The following STAT3 variants were observed in gnomAD, a reference collection of about 807,000 sequenced individuals.
The protein encoded by STAT3 is signal transducer and activator of transcription 3, also known as DNA-binding protein APRF.
STAT3 carries 7 observed loss-of-function variants against 114.3 expected under a neutral mutation model. The ratio of observed to expected loss-of-function variants is 0.06; its 90% CI spans 0.03 to 0.11. The LOEUF is 0.11. Ranked by LOEUF, STAT3 falls within the 10% of genes least tolerant of loss-of-function variation. The pLI is 1.00. For missense variants in STAT3, 364 were observed against 960.9 expected (o/e 0.38, Z 8.21); for synonymous variants, 331 against 354.5 (o/e 0.93, Z 0.74).
At chr17:42,385,026 T>A (rs182027180) in intron 1 of STAT3, among the ~76,000 whole-genome samples, 1 of 152,214 alleles carries the variant, frequency 6.6e-6, no homozygotes, top group Non-Finnish European at 1.5e-5. Context: ...AAGTTCTACA[T>A]CTGTACTGTA....
intron 8 of STAT3, among the ~76,000 whole-genome samples, chr17:42,336,542 G>A (rs986420763): frequency 6.6e-6 from 1 of 151,996 alleles, no homozygotes; most frequent in Non-Finnish European, 1.5e-5. Flanking sequence ...AGGCTCCAGT[G>A]AGCCATGACT....
intron 4 of STAT3, among the ~76,000 whole-genome samples, chr17:42,344,071 C>T (rs1436822758): frequency 3.3e-5 from 5 of 152,156 alleles, no homozygotes; most frequent in African/African-American, 1.2e-4. Context: ...TAGTGTTTCA[C>T]CACTGTGCAT....
intron 1 of STAT3, among the ~76,000 whole-genome samples, chr17:42,381,138 C>G (rs934971172): frequency 6.6e-6 from 1 of 152,154 alleles, no homozygotes; most frequent in African/African-American, 2.4e-5. Flanking sequence ...CCCAATAGGT[C>G]TGACCTGATA....
In STAT3 at chr17:42,324,959, T is replaced by C; in HGVS notation, c.1464+4A>G. 6.2e-7 allele frequency: 1 copy of C among 1,614,202 alleles called. No homozygotes were observed. The highest frequency in any genetic ancestry group is 1.1e-5 in the South Asian group (1 of 91,088). On this transcript the variant is annotated splice_donor_region_variant and intron_variant, in intron 16 of 23. Coordinates refer to ENST00000264657, the MANE Select transcript of STAT3 (RefSeq NM_139276.3). The surrounding 1 kb of genome is among the most constrained non-coding windows in gnomAD (Gnocchi z 4.5). ...GGCACCAACTAAAAGGAGGGGGCAC[T>C]AACCTTGGGATTGTTGGTCAGCATG... is the stretch of plus-strand genomic sequence containing the variant.
At chr17:42,345,394 T>G in intron 4 of STAT3, 165 bp downstream of exon 4, 1 of 653,966 alleles carries the variant, frequency 1.5e-6, no homozygotes, top group East Asian at 2.8e-5. Flanking sequence ...TTTTGGGGGG[T>G]GGAACTTTCT....
chr17:42,384,132 A>ATTTTTTTTTTT (rs371933640), intron 1 of STAT3, among the ~76,000 whole-genome samples: 1 of 134,914 alleles, frequency 7.4e-6, no homozygotes, highest in Non-Finnish European at 1.6e-5. Context: ...TTATTTATTT[A>ATTTTTTTTTTT]TTTTTTTTTT....
At chr17:42,355,867 G>T (rs2083200061) in intron 1 of STAT3, among the ~76,000 whole-genome samples, 1 of 152,148 alleles carries the variant, frequency 6.6e-6, no homozygotes, top group South Asian at 2.1e-4. Context: ...TCACATCCAT[G>T]CACTAGTGGA....
intron 21 of STAT3, among the ~76,000 whole-genome samples, chr17:42,320,600 C>A (rs1183667433): frequency 6.6e-6 from 1 of 151,874 alleles, no homozygotes; most frequent in Non-Finnish European, 1.5e-5. Flanking sequence ...CATGGTGGCA[C>A]AAGCCCATAA....
At position 42,345,598 on chromosome 17, in the gene STAT3, T is replaced by C. The variant is rs750994809; in HGVS notation, c.333A>G (p.Glu111=). 10 of 1,608,718 alleles carry C rather than the reference T, an allele frequency of 6.2e-6. No homozygotes were observed. The highest frequency in any genetic ancestry group is 8.5e-6 in the Non-Finnish European group (10 of 1,177,036). Residue 111 remains glutamate (E), a synonymous_variant, in exon 4 of 24, where the codon GAA becomes GAG. Transcript: ENST00000264657. Reference sequence around the variant, plus strand: ...CTGCAGTCTGTAGAAGGCGTGATTCTTCCCACAGGCACCGGGCCACAATCC... The same window carrying C: ...CTGCAGTCTGTAGAAGGCGTGATTCCTCCCACAGGCACCGGGCCACAATCC... The part of the protein sequence containing the change: ...IARIVARCLW[E]ESRLLQTAAT...
intron 23 of STAT3, chr17:42,316,183 AAGGCTTAGT>A: frequency 1.4e-6 from 1 of 715,860 alleles, no homozygotes; most frequent in Non-Finnish European, 1.9e-6. Context: ...CTGGATTTTA[AAGGCTTAGT>A]ATGAAAAAAA....
chr17:42,351,260 A>G (rs1030904068), intron 1 of STAT3, among the ~76,000 whole-genome samples: 1 of 151,590 alleles, frequency 6.6e-6, no homozygotes, highest in African/African-American at 2.4e-5. Flanking sequence ...TTATTTATTT[A>G]TTTTTTGGAG....
chr17:42,358,186 A>C (rs1367061760), intron 1 of STAT3, among the ~76,000 whole-genome samples: 2 of 152,104 alleles, frequency 1.3e-5, no homozygotes, highest in Non-Finnish European at 2.9e-5. Flanking sequence ...GCCAAGGTGG[A>C]AGAGGGATTG....
chr17:42,351,034 G>A (rs929506453), intron 1 of STAT3, among the ~76,000 whole-genome samples: 1 of 151,364 alleles, frequency 6.6e-6, no homozygotes, highest in South Asian at 2.1e-4. Context: ...GGGAGGCTGA[G>A]GCAGAAGAAT....
rs578025024 is a variant in STAT3 at position 42,324,568 on chromosome 17, T to C, written c.1600+143A>G. On this transcript the variant is annotated intron_variant, in intron 17 of 23. Coordinates refer to ENST00000264657, the MANE Select transcript of STAT3 (RefSeq NM_139276.3). This position sits in a 1 kb window ranked among gnomAD's most constrained non-coding sequence, Gnocchi z 4.5. Reference sequence around the variant, plus strand: ...CTGCACCCCAACTCCCCAACTCCCCTGTTTCCTGGCACCAGCACAGCGCCT... The same window carrying C: ...CTGCACCCCAACTCCCCAACTCCCCCGTTTCCTGGCACCAGCACAGCGCCT... 1.6e-6 allele frequency: 2 copies of C among 1,238,060 alleles called. No individual in the cohort carries two copies. Among genetic ancestry groups the C allele is most frequent in the African/African-American group, 3.0e-5 (2 of 66,854 alleles). 76.7% of individuals were successfully genotyped at this position (1,238,060 alleles called of 1,614,324 possible).
chr17:42,370,689 G>A (rs922840393), intron 1 of STAT3, among the ~76,000 whole-genome samples: 6 of 149,366 alleles, frequency 4.0e-5, no homozygotes, highest in Non-Finnish European at 8.9e-5. Flanking sequence ...GTGCAGTGGC[G>A]CGATCTCAGC....
Position 42,337,766 on chromosome 17 carries a change from C to T in STAT3, c.642G>A (p.Arg214=). Residue 214 remains arginine, a synonymous_variant, in exon 7 of 24, where the codon CGG becomes CGA. Transcript: ENST00000264657. This position sits in a 1 kb window ranked among gnomAD's most constrained non-coding sequence, Gnocchi z 4.0. ...GTGGTCCGACCTATGCCCTTACTCT[C>T]CGCATCTGGTCCAGCGCAGTGAGCA... ...EQMLTALDQM[R]RSIVSELAGL... The T allele has an allele frequency of 1.9e-6, 3 of 1,614,250 alleles. No homozygotes were observed. The highest frequency in any genetic ancestry group is 2.5e-6 in the Non-Finnish European group (3 of 1,180,050).
chr17:42,333,823 T>C lies in STAT3; in HGVS notation c.957-58A>G. On this transcript the variant is annotated intron_variant, in intron 9 of 23. Coordinates refer to ENST00000264657, the MANE Select transcript of STAT3 (RefSeq NM_139276.3). This position sits in a 1 kb window ranked among gnomAD's most constrained non-coding sequence, Gnocchi z 5.2. ...GGCCATGACCAGAAGTCAGCCCGCC[T>C]CTCACTCTACCACGTGAGTCTTTAG... The C allele has an allele frequency of 6.2e-7, 1 of 1,614,088 alleles. No homozygotes were observed. Among genetic ancestry groups the C allele is most frequent in the African/African-American group, 1.3e-5 (1 of 75,040 alleles).
At chr17:42,318,453 C>T (rs912954197) in intron 21 of STAT3, among the ~76,000 whole-genome samples, 1 of 152,122 alleles carries the variant, frequency 6.6e-6, no homozygotes, top group African/African-American at 2.4e-5. Flanking sequence ...CCCATATTCT[C>T]TTTTATGTAT....
rs746486285 is a variant in STAT3, at chr17:42,346,589, T to G, written c.253A>C (p.Arg85=). ...SNVLYQHNLR[R]IKQFLQSRYL... ...CATACCTGAAGAAACTGCTTGATTC[T>G]TCGTAGATTGTGCTGATAGAGAACA... Residue 85 remains arginine, a synonymous_variant, in exon 3 of 24, where the codon AGA becomes CGA. Coordinates refer to ENST00000264657, the MANE Select transcript of STAT3 (RefSeq NM_139276.3). 1 of 1,614,206 alleles carries G rather than the reference T, an allele frequency of 6.2e-7. No individual in the cohort carries two copies. The highest frequency in any genetic ancestry group is 8.5e-7 in the Non-Finnish European group (1 of 1,180,034).
Sources: allele counts gnomAD v4.1 joint callset (sites outside exome capture counted in the v4.1 genomes callset), GRCh38; gene constraint gnomAD v4.1.1; non-coding constraint Gnocchi (gnomAD v3.1); transcripts MANE v1.5; gene names NCBI Gene and HGNC (gene_info 2026-07-23, HGNC 2026-07-21).